Variants in PCDHGA4 observed in about 807,000 individuals in gnomAD.
The protein encoded by PCDHGA4 is protocadherin gamma-A4.
Under a neutral mutation model 54.6 loss-of-function variants are expected in PCDHGA4, and 38 were observed. The observed-to-expected ratio is 0.70, with a 90% CI of 0.54 to 0.91. The LOEUF (loss-of-function observed/expected upper bound fraction) is 0.91, where lower values mean the gene tolerates loss of function less well. Ranked by LOEUF, PCDHGA4 falls within the 40% of genes least tolerant of loss-of-function variation. PCDHGA4 has a pLI of 0.00. For missense variants in PCDHGA4, 1,298 were observed against 1,220.9 expected, an observed-to-expected ratio of 1.06 and a Z score of -0.94; for synonymous variants, 511 against 512.9, an observed-to-expected ratio of 1.00 and a Z score of 0.05.
rs559975786 is a variant in PCDHGA4, at chr5:141,406,591, A to G, written c.2514+48970A>G. Among the ~76,000 whole-genome samples, 5 of 152,282 alleles carry G rather than the reference A, an allele frequency of 3.3e-5. No homozygotes were observed. The East Asian group carries it at 9.6e-4, about 29-fold the overall frequency. On this transcript the variant is annotated intron_variant, in intron 1 of 3. Transcript: ENST00000571252. ...CTAGTAAACCAATTTTTTCCCTTTAATGGTGAAAGTTGTCACATCTTTTAT... is the reference window on the plus strand; with the variant it reads ...CTAGTAAACCAATTTTTTCCCTTTAGTGGTGAAAGTTGTCACATCTTTTAT...
At chr5:141,376,313 G>A in intron 1 of PCDHGA4, 1 of 1,614,230 alleles carries the variant, frequency 6.2e-7, no homozygotes, top group Non-Finnish European at 8.5e-7. Flanking sequence ...TGTGGGCGTG[G>A]AAGGGGTTCG....
In PCDHGA4 at chr5:141,485,589, A is replaced by G. The variant is rs1407992185; in HGVS notation, c.2515-9218A>G. 6.2e-7 allele frequency: 1 copy of G among 1,612,610 alleles called. No homozygotes were observed. Among genetic ancestry groups the G allele is most frequent in the Non-Finnish European group, 8.5e-7 (1 of 1,178,834 alleles). On this transcript the variant is annotated intron_variant, in intron 1 of 3. Coordinates refer to ENST00000571252, the MANE Select transcript of PCDHGA4 (RefSeq NM_018917.4). The surrounding 1 kb of genome is among the most constrained non-coding windows in gnomAD (Gnocchi z 5.7). Reference sequence around the variant, plus strand: ...CCCCGTTTTCCGCGGCAGCAGCTGGACTTGGAAATTGGGGAGGCAGCTCCT... The same window carrying G: ...CCCCGTTTTCCGCGGCAGCAGCTGGGCTTGGAAATTGGGGAGGCAGCTCCT...
chr5:141,473,147 T>A (rs2099315103), intron 1 of PCDHGA4, among the ~76,000 whole-genome samples: 1 of 152,222 alleles, frequency 6.6e-6, no homozygotes, highest in Admixed American at 6.5e-5. Flanking sequence ...TCTCTTCAGA[T>A]CACTAGGGCT....
chr5:141,431,921 G>A lies in PCDHGA4; in HGVS notation c.2515-62886G>A. The A allele has an allele frequency of 1.9e-6, 3 of 1,614,142 alleles. No homozygotes were observed. Among genetic ancestry groups the A allele is most frequent in the South Asian group, 2.2e-5 (2 of 91,084 alleles). On this transcript the variant is annotated intron_variant, in intron 1 of 3. Transcript: ENST00000571252. The surrounding 1 kb of genome is among the most constrained non-coding windows in gnomAD (Gnocchi z 4.8). ...CGGACAGGTGATCTGTTTCATCCAA[G>A]GAAATCTGCCCTTTAAATTAGAAAA...
intron 1 of PCDHGA4, chr5:141,376,225 C>T (rs1772427738): frequency 6.2e-7 from 1 of 1,614,206 alleles, no homozygotes; most frequent in Non-Finnish European, 8.5e-7. Context: ...TGCTGGCGCT[C>T]AGACTGCAGC....
Position 141,356,780 on chromosome 5 carries a change from A to T in PCDHGA4, c.1673A>T (p.Asp558Val). The change falls in exon 1 of 4, where the codon GAC (aspartate) becomes GTC (valine). Residue 558 changes from aspartate to valine, a missense_variant. Coordinates refer to ENST00000571252, the MANE Select transcript of PCDHGA4 (RefSeq NM_018917.4). ...LCSFDYEQFR[D>V]LQLLMTASDS... is the part of the protein sequence containing the mutation. The stretch of plus-strand genomic sequence containing the variant: ...TCCTTCGACTATGAGCAGTTTAGAG[A>T]CCTGCAGCTGCTGATGACAGCCAGT... 1 of 1,613,938 alleles carries T rather than the reference A, an allele frequency of 6.2e-7. No homozygotes were observed. The highest frequency in any genetic ancestry group is 8.5e-7 in the Non-Finnish European group (1 of 1,179,840).
At chr5:141,369,551 T>G (rs1335245789) in intron 1 of PCDHGA4, among the ~76,000 whole-genome samples, 1 of 152,156 alleles carries the variant, frequency 6.6e-6, no homozygotes, top group Non-Finnish European at 1.5e-5. Context: ...AAGTAGACAC[T>G]TGGAAACAAA....
intron 1 of PCDHGA4, chr5:141,428,805 C>G (rs1468764398): frequency 6.6e-6 from 1 of 152,108 alleles, no homozygotes; most frequent in African/African-American, 2.4e-5. Flanking sequence ...GGGCCAGTAA[C>G]TTCATTATTA....
chr5:141,423,957 T>G, intron 1 of PCDHGA4: 1 of 1,183,084 alleles, frequency 8.5e-7, no homozygotes, highest in Non-Finnish European at 1.1e-6. Context: ...TTTAGTATTA[T>G]TTTTCTATTA....
At chr5:141,358,638 T>C (rs1760977216) in intron 1 of PCDHGA4, among the ~76,000 whole-genome samples, 1 of 152,176 alleles carries the variant, frequency 6.6e-6, no homozygotes, top group Non-Finnish European at 1.5e-5. Context: ...CAGTCATATA[T>C]AAGTAGATTC....
At chr5:141,413,740 C>A in intron 1 of PCDHGA4, 2 of 1,613,402 alleles carry the variant, frequency 1.2e-6, no homozygotes, top group Non-Finnish European at 1.7e-6. Flanking sequence ...AGTTCAGAGC[C>A]GTGCCAATGG....
intron 1 of PCDHGA4, chr5:141,360,710 C>T: frequency 6.2e-7 from 1 of 1,613,894 alleles, no homozygotes; most frequent in Non-Finnish European, 8.5e-7. Flanking sequence ...CGTAAATATC[C>T]TGAGTTGATT....
chr5:141,399,442 A>G, intron 1 of PCDHGA4: 1 of 1,613,996 alleles, frequency 6.2e-7, no homozygotes. Context: ...CCTACATATC[A>G]GAGACGTCAA....
intron 1 of PCDHGA4, chr5:141,403,040 C>T: frequency 1.2e-6 from 2 of 1,614,068 alleles, no homozygotes; most frequent in Non-Finnish European, 1.7e-6. Context: ...CAGGGCCAGT[C>T]AGATTCGCTA....
At chr5:141,379,059 G>A (rs1775341462) in intron 1 of PCDHGA4, 1 of 152,158 alleles carries the variant, frequency 6.6e-6, no homozygotes, top group Admixed American at 6.5e-5. Context: ...GAATGGATTG[G>A]CCACTTGTGC....
intron 1 of PCDHGA4, chr5:141,367,674 T>C (rs1765283740): frequency 6.6e-6 from 1 of 152,182 alleles, no homozygotes. Context: ...TGTGGGCTTG[T>C]TGAGAGAAGA....
At chr5:141,473,907 C>A (rs552055360) in intron 1 of PCDHGA4, among the ~76,000 whole-genome samples, 1 of 152,102 alleles carries the variant, frequency 6.6e-6, no homozygotes. Flanking sequence ...ATGAAGAGGT[C>A]TTAAGAAAAC....
rs200254467 is a variant in PCDHGA4 at position 141,419,887 on chromosome 5, C to T, written c.2514+62266C>T. 380 of 1,614,050 alleles carry T rather than the reference C, an allele frequency of 2.4e-4. 1 individual carries two copies. The Admixed American group carries it at 2.6e-3, about 11-fold the overall frequency. ...TGCAAGAGGTACTGCCGGATTTCAGCGACCATCCCACACCCTCTGACTCCC... is the reference window on the plus strand; with the variant it reads ...TGCAAGAGGTACTGCCGGATTTCAGTGACCATCCCACACCCTCTGACTCCC... On this transcript the variant is annotated intron_variant, in intron 1 of 3. Transcript: ENST00000571252.
chr5:141,415,311 C>T, intron 1 of PCDHGA4: 2 of 1,614,242 alleles, frequency 1.2e-6, no homozygotes, highest in Non-Finnish European at 1.7e-6. Context: ...TGGCCTTCGT[C>T]ATCGTGCTGC....
Sources: allele counts gnomAD v4.1 joint callset (sites outside exome capture counted in the v4.1 genomes callset), GRCh38; gene constraint gnomAD v4.1.1; non-coding constraint Gnocchi (gnomAD v3.1); transcripts MANE v1.5; gene names NCBI Gene and HGNC (gene_info 2026-07-23, HGNC 2026-07-21).